KPNB1: variants seen among roughly 807,000 people sequenced by gnomAD.
The protein encoded by KPNB1 is karyopherin subunit beta 1, also known as importin subunit beta-1.
KPNB1 carries 7 observed loss-of-function variants against 113.0 expected under a neutral mutation model. The ratio of observed to expected loss-of-function variants is 0.06; its 90% confidence interval spans 0.04 to 0.12. KPNB1 has a LOEUF of 0.12. Ranked by LOEUF, KPNB1 falls within the 10% of genes least tolerant of loss-of-function variation. The pLI is 1.00. For missense variants in KPNB1, 400 were observed against 1,054.8 expected, an observed-to-expected ratio of 0.38 and a Z score of 8.60; for synonymous variants, 363 against 378.6, an observed-to-expected ratio of 0.96 and a Z score of 0.48.
chr17:47,680,789 A>G (rs1467519307), intron 21 of KPNB1, 120 bp downstream of exon 21: 1 of 989,358 alleles, frequency 1.0e-6, no homozygotes, highest in Non-Finnish European at 1.5e-6. Context: ...ACTTTTTCCC[A>G]TGTAGGTGCT....
chr17:47,666,552 ATTATG>A lies in KPNB1; in HGVS notation c.999+1399_999+1403del, dbSNP rs1427492940. Reference sequence around the variant, plus strand: ...TTATGTTATATATTATATATTATATATTATGTTATATGTTATATATTTTATATGTA... The same window carrying A: ...TTATGTTATATATTATATATTATATATTATATGTTATATATTTTATATGTA... On this transcript the variant is annotated intron_variant, in intron 9 of 21. Transcript: ENST00000290158. Among the ~76,000 whole-genome samples, 5 of 44,668 alleles carry A rather than the reference ATTATG, an allele frequency of 1.1e-4. No individual in the cohort carries two copies. In the South Asian group the frequency reaches 4.1e-3, roughly 37 times the overall value. 29.3% of individuals were successfully genotyped at this position (44,668 alleles called of 152,430 possible). A position where few individuals can be genotyped will look rare whatever the true frequency, so the allele number is the denominator to read the frequency against.
chr17:47,658,419 C>T (rs985992286), intron 4 of KPNB1, 89 bp from the exon 5 acceptor site: 11 of 1,395,622 alleles, frequency 7.9e-6, no homozygotes, highest in Non-Finnish European at 8.7e-6. Context: ...TAAATATTTT[C>T]AATCCATAGT....
chr17:47,676,551 A>G, intron 16 of KPNB1, 60 bp downstream of exon 16: 1 of 1,283,546 alleles, frequency 7.8e-7, no homozygotes, highest in Non-Finnish European at 1.1e-6. Flanking sequence ...ACTGTAGTGC[A>G]CGCAAAACCA....
chr17:47,650,378 C>A lies in KPNB1; in HGVS notation c.41-8C>A. On this transcript the variant is annotated splice_polypyrimidine_tract_variant and splice_region_variant and intron_variant, in intron 1 of 21. Coordinates refer to ENST00000290158, the MANE Select transcript of KPNB1 (RefSeq NM_002265.6). ...ACCCCGCTCCGTCTCCCACTTTCCT[C>A]CCCCTAGATCGGCTGGAGCTGGAAG... The A allele has an allele frequency of 1.2e-6, 2 of 1,611,892 alleles. No homozygotes were observed. The highest frequency in any genetic ancestry group is 1.7e-6 in the Non-Finnish European group (2 of 1,179,446).
chr17:47,657,111 C>T (rs1265339578), intron 4 of KPNB1, 51 bp downstream of exon 4: 1 of 1,449,298 alleles, frequency 6.9e-7, no homozygotes, highest in African/African-American at 1.4e-5. Flanking sequence ...TTGCCTCTAG[C>T]TGTGACATCA....
intron 5 of KPNB1, 88 bp from the exon 6 acceptor site, chr17:47,661,029 TGA>T (rs1328179510): frequency 8.3e-6 from 8 of 962,824 alleles, no homozygotes; most frequent in Non-Finnish European, 1.0e-5. Context: ...TGAGGGGGAG[TGA>T]GAGGTTTTCC....
intron 15 of KPNB1, among the ~76,000 whole-genome samples, chr17:47,675,516 T>G (rs2030592544): frequency 6.6e-6 from 1 of 151,750 alleles, no homozygotes; most frequent in African/African-American, 2.4e-5. Flanking sequence ...GCTGGGATTA[T>G]AGGCATGAGC....
intron 21 of KPNB1, among the ~76,000 whole-genome samples, chr17:47,681,376 C>G (rs1012756286): frequency 3.3e-5 from 5 of 149,350 alleles, no homozygotes; most frequent in Non-Finnish European, 5.9e-5. Flanking sequence ...TCAAGCAGTT[C>G]TCTGCCTCAG....
Position 47,650,222 on chromosome 17 carries a change from TCGCCGCCGC to T in KPNB1, c.-18_-10del. ...GGCCGGGCCGTCGTCTTAGGAGGAG[TCGCCGCCGC>T]CGCCACCTCCGCCATGGAGCTGATC... On this transcript the variant is annotated 5_prime_UTR_variant, in exon 1 of 22. Transcript: ENST00000290158. 7.0e-7 allele frequency: 1 copy of T among 1,418,934 alleles called. No homozygotes were observed. The highest frequency in any genetic ancestry group is 3.8e-5 in the East Asian group (1 of 26,524). 87.9% of individuals were successfully genotyped at this position (1,418,934 alleles called of 1,614,324 possible). A position where few individuals can be genotyped will look rare whatever the true frequency, so the allele number is the denominator to read the frequency against.
In KPNB1 at chr17:47,674,697, C is replaced by T. The variant is rs1408904542; in HGVS notation, c.1827C>T (p.Ala609=). The change falls in exon 15 of 22, where the codon GCC becomes GCT. Residue 609 remains alanine (A), a synonymous_variant. Transcript: ENST00000290158. ...TGCAGATCTCTGATGTGGTTATGGC[C>T]TCCCTGTTAAGGATGTTCCAAAGCA... The part of the protein sequence containing the change: ...DALQISDVVM[A]SLLRMFQSTA... 1.2e-6 allele frequency: 2 copies of T among 1,614,152 alleles called. No individual in the cohort carries two copies. Among genetic ancestry groups the T allele is most frequent in the Admixed American group, 3.3e-5 (2 of 60,014 alleles).
chr17:47,680,571 T>C lies in KPNB1; in HGVS notation c.2532T>C (p.His844=), dbSNP rs1408514465. 1.2e-6 allele frequency: 2 copies of C among 1,614,178 alleles called. No individual in the cohort carries two copies. Among genetic ancestry groups the C allele is most frequent in the East Asian group, 4.5e-5 (2 of 44,884 alleles). ...TAGTAGAAGCTAGGCCAATGATCCATGAATTGTTAACTGAAGGGCGGAGAT... is the reference window on the plus strand; with the variant it reads ...TAGTAGAAGCTAGGCCAATGATCCACGAATTGTTAACTGAAGGGCGGAGAT... The part of the protein sequence containing the change: ...LKLVEARPMI[H]ELLTEGRRSK... Residue 844 remains histidine, a synonymous_variant, in exon 21 of 22, where the codon CAT becomes CAC. Transcript: ENST00000290158.
chr17:47,652,952 A>C, intron 3 of KPNB1, 76 bp downstream of exon 3: 2 of 1,152,898 alleles, frequency 1.7e-6, no homozygotes, highest in Non-Finnish European at 2.5e-6. Flanking sequence ...TGCTATTTGC[A>C]TGGGATAGAG....
chr17:47,661,043 T>G (rs772431837), intron 5 of KPNB1, 76 bp from the exon 6 acceptor site: 1 of 1,194,972 alleles, frequency 8.4e-7, no homozygotes, highest in Non-Finnish European at 1.2e-6. Flanking sequence ...AGGTTTTCCT[T>G]GTAGAGGGAG....
chr17:47,650,568 T>TCCCCCTCCCCC (rs1567885776), intron 2 of KPNB1, 124 bp downstream of exon 2: 36 of 406,220 alleles, frequency 8.9e-5, no homozygotes, highest in African/African-American at 2.4e-4. Flanking sequence ...CCCTCCCCCC[T>TCCCCCTCCCCC]CCCCCTCCCC....
rs114654232 is a variant in KPNB1, at chr17:47,677,735, A to G, written c.2104-311A>G. On this transcript the variant is annotated intron_variant, in intron 17 of 21. Coordinates refer to ENST00000290158, the MANE Select transcript of KPNB1 (RefSeq NM_002265.6). ...TGTAAAGTGGAGAAATCATCAAACC[A>G]TCATGAGCAGGGGACCATTTGTATA... Among the ~76,000 whole-genome samples the G allele has an allele frequency of 8.5e-3, 1,298 of 152,334 alleles. 17 individuals carry two copies. Among genetic ancestry groups the G allele is most frequent in the African/African-American group, 0.03 (1,242 of 41,566 alleles).
chr17:47,681,686 GTTTTTTT>G (rs59222945), intron 21 of KPNB1, among the ~76,000 whole-genome samples: 70 of 96,052 alleles, frequency 7.3e-4, no homozygotes, highest in African/African-American at 2.6e-3. Context: ...GGAATTATAG[GTTTTTTT>G]TTTTTTTTTT....
At chr17:47,652,625 C>T (rs947959519) in intron 2 of KPNB1, 69 bp from the exon 3 acceptor site, 21 of 1,327,142 alleles carry the variant, frequency 1.6e-5, no homozygotes, top group East Asian at 4.9e-5. Context: ...GTTCAGTGCT[C>T]TATAAATTAT....
chr17:47,669,794 C>T lies in KPNB1; in HGVS notation c.1341C>T (p.Val447=), dbSNP rs1207141409. The T allele has an allele frequency of 1.2e-6, 2 of 1,614,030 alleles. No homozygotes were observed. The highest frequency in any genetic ancestry group is 2.2e-5 in the East Asian group (1 of 44,894). ...ELLPEAAIND[V]YLAPLLQCLI... is the part of the protein sequence containing the mutation. ...TTCCTGAAGCTGCCATCAATGATGTCTACTTGGCTCCCCTGCTACAGTGTC... is the reference window on the plus strand; with the variant it reads ...TTCCTGAAGCTGCCATCAATGATGTTTACTTGGCTCCCCTGCTACAGTGTC... The change falls in exon 11 of 22, where the codon GTC becomes GTT. Residue 447 remains valine (V), a synonymous_variant. Coordinates refer to ENST00000290158, the MANE Select transcript of KPNB1 (RefSeq NM_002265.6).
intron 2 of KPNB1, among the ~76,000 whole-genome samples, chr17:47,650,862 T>C (rs987398571): frequency 7.2e-5 from 11 of 152,100 alleles, no homozygotes; most frequent in Non-Finnish European, 1.6e-4. Flanking sequence ...GGCCGGCTTC[T>C]CCTTCCTATC....
Sources: allele counts gnomAD v4.1 joint callset (sites outside exome capture counted in the v4.1 genomes callset), GRCh38; gene constraint gnomAD v4.1.1; transcripts MANE v1.5; gene names NCBI Gene and HGNC (gene_info 2026-07-23, HGNC 2026-07-21).